Variants in NRXN3 observed in about 807,000 individuals in gnomAD.
The protein encoded by NRXN3 is neurexin III.
In NRXN3, 32 loss-of-function variants were observed where a neutral mutation model predicts 137.6. The observed-to-expected ratio is 0.23, with a 90% confidence interval of 0.18 to 0.31. The LOEUF is 0.31. NRXN3 is among the 10% of genes least tolerant of loss of function. NRXN3 has a pLI of 1.00. For missense variants in NRXN3, 1,574 were observed against 2,062.5 expected (o/e 0.76, Z 4.59); for synonymous variants, 798 against 784.5 (o/e 1.02, Z -0.29).
intron 4 of NRXN3, among the ~76,000 whole-genome samples, chr14:78,579,399 G>C (rs2096968806): frequency 6.6e-6 from 1 of 152,162 alleles, no homozygotes; most frequent in African/African-American, 2.4e-5. Flanking sequence ...CTTCACTGGT[G>C]CTATGAAAAT....
chr14:78,462,275 C>T (rs371630633), intron 4 of NRXN3, among the ~76,000 whole-genome samples: 4 of 152,308 alleles, frequency 2.6e-5, no homozygotes, highest in South Asian at 4.1e-4. Flanking sequence ...GCTGCTTTCC[C>T]TCCTCTGTAC....
At chr14:78,945,508 G>A (rs1275140638) in intron 10 of NRXN3, among the ~76,000 whole-genome samples, 1 of 152,152 alleles carries the variant, frequency 6.6e-6, no homozygotes, top group African/African-American at 2.4e-5. Flanking sequence ...CATCCCTGAT[G>A]CATCTCTTGG....
At chr14:78,206,603 T>C (rs1303041894) in intron 1 of NRXN3, among the ~76,000 whole-genome samples, 1 of 152,186 alleles carries the variant, frequency 6.6e-6, no homozygotes, top group Non-Finnish European at 1.5e-5. Context: ...GCTTAACTAG[T>C]GGCCTCCTTG....
rs866804440 is a variant in NRXN3, at chr14:78,934,180, A to C, written c.2276-23062A>C. 5.2e-3 allele frequency among the ~76,000 whole-genome samples: 787 copies of C among 150,234 alleles called. 9 individuals are homozygous for C. The highest frequency in any genetic ancestry group is 0.018 in the African/African-American group (734 of 40,698). ...GACAACCAAAAAAAAAAAAAAAAAA[A>C]CCCCAAAACCAAAGCACTGAACTTC... On this transcript the variant is annotated intron_variant, in intron 10 of 20. Transcript: ENST00000335750.
intron 4 of NRXN3, among the ~76,000 whole-genome samples, chr14:78,387,265 A>G (rs2090107012): frequency 6.6e-6 from 1 of 152,198 alleles, no homozygotes; most frequent in East Asian, 1.9e-4. Flanking sequence ...CTCATAAAAA[A>G]AGTACCAAAG....
chr14:79,495,496 G>A (rs2096757539), intron 16 of NRXN3, among the ~76,000 whole-genome samples: 1 of 151,910 alleles, frequency 6.6e-6, no homozygotes, highest in Non-Finnish European at 1.5e-5. Flanking sequence ...GATATAAAGG[G>A]CCCTCAAAAG....
chr14:78,774,091 C>T (rs1251814635), intron 8 of NRXN3, among the ~76,000 whole-genome samples: 5 of 152,120 alleles, frequency 3.3e-5, no homozygotes, highest in East Asian at 1.9e-4. Context: ...TGAGCCACCG[C>T]GCCCGGCCAC....
intron 19 of NRXN3, among the ~76,000 whole-genome samples, chr14:79,699,226 C>G (rs1233319385): frequency 6.6e-6 from 1 of 151,954 alleles, no homozygotes; most frequent in Non-Finnish European, 1.5e-5. Flanking sequence ...GATATTAAAC[C>G]AATAACTCCT....
At chr14:79,823,605 C>G (rs1014053540) in intron 20 of NRXN3, among the ~76,000 whole-genome samples, 1 of 151,830 alleles carries the variant, frequency 6.6e-6, no homozygotes, top group Non-Finnish European at 1.5e-5. Flanking sequence ...CAACAAAAAT[C>G]GATGCAGAGC....
chr14:79,068,866 A>G (rs374117034), intron 15 of NRXN3, among the ~76,000 whole-genome samples: 21 of 152,102 alleles, frequency 1.4e-4, no homozygotes, highest in African/African-American at 5.1e-4. Context: ...CAGTTATACT[A>G]TTCAAGCTGG....
intron 15 of NRXN3, among the ~76,000 whole-genome samples, chr14:79,228,240 C>G (rs575823715): frequency 6.6e-6 from 1 of 152,164 alleles, no homozygotes; most frequent in African/African-American, 2.4e-5. Flanking sequence ...TTTAGGCACT[C>G]TATTGTAGAA....
chr14:78,960,991 A>G (rs1448497032), intron 11 of NRXN3, among the ~76,000 whole-genome samples: 1 of 151,672 alleles, frequency 6.6e-6, no homozygotes, highest in East Asian at 1.9e-4. Flanking sequence ...CAAATCATTG[A>G]TAAGTATGCA....
chr14:78,914,687 A>G (rs1434262893), intron 10 of NRXN3, among the ~76,000 whole-genome samples: 2 of 152,202 alleles, frequency 1.3e-5, no homozygotes, highest in East Asian at 1.9e-4. Context: ...AGATGAGACT[A>G]GAAAAGTGGC....
At chr14:78,914,333 A>G (rs999214717) in intron 10 of NRXN3, among the ~76,000 whole-genome samples, 1 of 152,170 alleles carries the variant, frequency 6.6e-6, no homozygotes, top group African/African-American at 2.4e-5. Context: ...AAATACCTGC[A>G]CTCTTGGAAC....
chr14:79,220,947 C>T (rs1239132203), intron 15 of NRXN3, among the ~76,000 whole-genome samples: 3 of 151,866 alleles, frequency 2.0e-5, no homozygotes, highest in Admixed American at 2.0e-4. Context: ...TGTTCCCCTC[C>T]CTGTGTCCAT....
intron 16 of NRXN3, among the ~76,000 whole-genome samples, chr14:79,625,241 T>A (rs1182768574): frequency 2.0e-5 from 3 of 152,212 alleles, no homozygotes; most frequent in Non-Finnish European, 4.4e-5. Context: ...TACCACAATG[T>A]CTTTATTCCT....
At chr14:79,754,042 A>T (rs908234771) in intron 19 of NRXN3, among the ~76,000 whole-genome samples, 2 of 152,018 alleles carry the variant, frequency 1.3e-5, no homozygotes, top group African/African-American at 4.8e-5. Context: ...GTACACAGGC[A>T]TGGGGGCAGT....
intron 8 of NRXN3, among the ~76,000 whole-genome samples, chr14:78,783,993 T>C (rs941437929): frequency 4.8e-5 from 7 of 147,032 alleles, no homozygotes; most frequent in African/African-American, 1.5e-4. Context: ...AGCTACATCA[T>C]GGTAAACAAA....
intron 19 of NRXN3, among the ~76,000 whole-genome samples, chr14:79,786,517 A>AT (rs1290045698): frequency 1.3e-5 from 2 of 152,244 alleles, no homozygotes; most frequent in African/African-American, 4.8e-5. Flanking sequence ...TTAAGAGTCC[A>AT]GTCCAATGTA....
Sources: gnomAD v4.1 joint callset for allele counts (sites outside exome capture counted in the v4.1 genomes callset) on GRCh38, gnomAD v4.1.1 for gene constraint, MANE v1.5 for transcripts, NCBI Gene and HGNC (gene_info 2026-07-23, HGNC 2026-07-21) for gene names.